Variants in STAG3 observed in about 807,000 individuals in gnomAD.
The protein encoded by STAG3 is cohesin subunit SA-3.
A neutral mutation model predicts 160.7 loss-of-function variants in STAG3; 101 were observed. The ratio of observed to expected loss-of-function variants is 0.63; its 90% CI spans 0.54 to 0.74. The LOEUF is 0.74. Among genes scored for constraint, STAG3 ranks in the 30% least tolerant of loss-of-function variants. The probability of loss-of-function intolerance (pLI) is 0.00; values close to 1 mark genes in which losing one functional copy is unlikely to be tolerated. For missense variants in STAG3, 1,188 were observed against 1,517.4 expected, an observed-to-expected ratio of 0.78 and a Z score of 3.61; for synonymous variants, 519 against 585.0, an observed-to-expected ratio of 0.89 and a Z score of 1.63.
chr7:100,201,569 G>A, intron 21 of STAG3: 1 of 633,554 alleles, frequency 1.6e-6, no homozygotes, highest in Non-Finnish European at 2.7e-6. Flanking sequence ...ATAATATTGA[G>A]GGATTCTAGA....
In STAG3 at chr7:100,178,992, A is replaced by G. The variant is rs1799458223; in HGVS notation, c.-65+987A>G. On this transcript the variant is annotated intron_variant, in intron 1 of 33. Coordinates refer to ENST00000615138, the MANE Select transcript of STAG3 (RefSeq NM_001282717.2). The stretch of plus-strand genomic sequence containing the variant: ...TACAGGTGCACCACCACACCTGGCT[A>G]GTTTTTTTGGTTTTGGTTTGGTTTT... Among the ~76,000 whole-genome samples, 2 of 151,374 alleles carry G rather than the reference A, an allele frequency of 1.3e-5. 1 individual carries two copies. Among genetic ancestry groups the G allele is most frequent in the South Asian group, 4.2e-4 (2 of 4,804 alleles).
At chr7:100,182,864 G>C in intron 4 of STAG3, 25 bp downstream of exon 4, 5 of 1,613,196 alleles carry the variant, frequency 3.1e-6, no homozygotes, top group Admixed American at 1.7e-5. Flanking sequence ...CACCTCTGTT[G>C]ATACCATCTC....
chr7:100,183,062 G>C (rs1192711511), intron 4 of STAG3, among the ~76,000 whole-genome samples: 1 of 151,722 alleles, frequency 6.6e-6, no homozygotes, highest in Non-Finnish European at 1.5e-5. Flanking sequence ...CGCCCAGGCT[G>C]GAGTGCAGTG....
At chr7:100,204,286 A>AT (rs373373624) in intron 26 of STAG3, among the ~76,000 whole-genome samples, 164 bp downstream of exon 26, 124 of 149,638 alleles carry the variant, frequency 8.3e-4, no homozygotes, top group Admixed American at 2.7e-3. Context: ...CTTGGGAAGT[A>AT]TTTTTTTTTT....
Position 100,203,275 on chromosome 7 carries a change from C to G in STAG3, c.2700+685C>G, listed in dbSNP as rs559482880. ...TCTCGGCTCACTGCAACCTCTGCCT[C>G]CCGGGGTTCAAGCAGTTCTCCTGCC... On this transcript the variant is annotated intron_variant, in intron 25 of 33. Transcript: ENST00000615138. Among the ~76,000 whole-genome samples, 136 of 151,740 alleles carry G rather than the reference C, an allele frequency of 9.0e-4. 1 individual carries two copies. Among genetic ancestry groups the G allele is most frequent in the African/African-American group, 3.0e-3 (124 of 41,414 alleles).
chr7:100,203,921 A>AGG, intron 25 of STAG3, 100 bp from the exon 26 acceptor site: 1 of 749,540 alleles, frequency 1.3e-6, no homozygotes, highest in Non-Finnish European at 2.4e-6. Flanking sequence ...TTTCCTACCT[A>AGG]AGGGAGTTTG....
intron 9 of STAG3, among the ~76,000 whole-genome samples, chr7:100,196,055 G>C (rs1800663887): frequency 6.6e-6 from 1 of 151,990 alleles, no homozygotes; most frequent in Admixed American, 6.5e-5. Flanking sequence ...CTTGAACCCA[G>C]GAGGTGGAGG....
At chr7:100,194,956 C>T (rs895466551) in intron 8 of STAG3, among the ~76,000 whole-genome samples, 2 of 152,126 alleles carry the variant, frequency 1.3e-5, no homozygotes, top group African/African-American at 4.8e-5. Flanking sequence ...ATGCTCAATG[C>T]AGGGTTGTCA....
In STAG3 at chr7:100,197,778, C is replaced by G. The variant is rs1800783072; in HGVS notation, c.1066C>G (p.His356Asp). The change falls in exon 11 of 34, where the codon CAC becomes GAC. Residue 356 changes from histidine (H) to aspartate (D), a missense_variant and splice_region_variant. Coordinates refer to ENST00000615138, the MANE Select transcript of STAG3 (RefSeq NM_001282717.2). Reference protein sequence around the residue: ...KYIGWTLHDKHREVRLKCVKA... With the variant: ...KYIGWTLHDKDREVRLKCVKA... The stretch of plus-strand genomic sequence containing the variant: ...TCTCCTGGTTTTCCCTCCTCACCAG[C>G]ACCGAGAAGTCCGCCTGAAGTGTGT... 1 of 1,613,124 alleles carries G rather than the reference C, an allele frequency of 6.2e-7. No homozygotes were observed. The highest frequency in any genetic ancestry group is 8.5e-7 in the Non-Finnish European group (1 of 1,179,362).
At chr7:100,194,005 T>A (rs1370457632) in intron 8 of STAG3, among the ~76,000 whole-genome samples, 2 of 149,818 alleles carry the variant, frequency 1.3e-5, no homozygotes, top group Non-Finnish European at 3.0e-5. Flanking sequence ...TAGAGTGCGA[T>A]GGCGTGATCT....
rs776375900 is a variant in STAG3, at chr7:100,198,090, C to T, written c.1168C>T (p.Arg390Trp). Residue 390 changes from arginine (R) to tryptophan (W), a missense_variant, in exon 12 of 34, where the codon CGG becomes TGG. Arg to Trp is a moderately radical substitution (Grantham distance 101). This residue lies in a region of STAG3 where 240 missense variants were observed against 358.1 expected (regional missense o/e 0.67). Coordinates refer to ENST00000615138, the MANE Select transcript of STAG3 (RefSeq NM_001282717.2). ...AGTGACTTTCTCCTTTCTGCAGGAC[C>T]GGATGGTTTCCATGGTCATGGACAG... ...LELFTSRFKDRMVSMVMDREY... is the reference protein window; with the variant it reads ...LELFTSRFKDWMVSMVMDREY... 7 of 1,613,884 alleles carry T rather than the reference C, an allele frequency of 4.3e-6. No individual in the cohort carries two copies. Among genetic ancestry groups the T allele is most frequent in the South Asian group, 2.2e-5 (2 of 91,066 alleles).
intron 9 of STAG3, among the ~76,000 whole-genome samples, chr7:100,195,925 T>C (rs904828383): frequency 6.6e-6 from 1 of 151,882 alleles, no homozygotes; most frequent in African/African-American, 2.4e-5. Context: ...AGGTCAGGAG[T>C]TCACAACCAG....
rs1302839899 is a variant in STAG3 at position 100,189,474 on chromosome 7, G to T, written c.745G>T (p.Val249Phe). 6.2e-7 allele frequency: 1 copy of T among 1,613,590 alleles called. No individual in the cohort carries two copies. The highest frequency in any genetic ancestry group is 8.5e-7 in the Non-Finnish European group (1 of 1,179,892). ...GAAACTGATGACCTCCCTGGTAAAA[G>T]TTGCCCTCCAACTGAGTGTGCACCA... is the stretch of plus-strand genomic sequence containing the variant. The part of the protein sequence containing the change: ...AMKLMTSLVK[V>F]ALQLSVHQDN... The change falls in exon 8 of 34, where the codon GTT becomes TTT. Residue 249 changes from valine to phenylalanine, a missense_variant. This residue lies in a region of STAG3 where 296 missense variants were observed against 404.0 expected (regional missense o/e 0.73). Transcript: ENST00000615138.
rs777893703 is a variant in STAG3 at position 100,197,841 on chromosome 7, A to C, written c.1129A>C (p.Thr377Pro). ...LKGLYGNRDLTTRLELFTSRF... is the reference protein window; with the variant it reads ...LKGLYGNRDLPTRLELFTSRF... ...AGGGCTGTACGGTAACCGGGACCTG[A>C]CCACACGCCTGGAGCTCTTCACCAG... Residue 377 changes from threonine (T) to proline (P), a missense_variant, in exon 11 of 34, where the codon ACC becomes CCC. Thr to Pro is a conservative substitution (Grantham distance 38, BLOSUM62 -1). Coordinates refer to ENST00000615138, the MANE Select transcript of STAG3 (RefSeq NM_001282717.2). 86 of 1,613,458 alleles carry C rather than the reference A, an allele frequency of 5.3e-5. No individual in the cohort carries two copies. Among genetic ancestry groups the C allele is most frequent in the Non-Finnish European group, 7.0e-5 (83 of 1,179,948 alleles).
At chr7:100,187,280 C>T (rs530597477) in intron 5 of STAG3, among the ~76,000 whole-genome samples, 2 of 152,132 alleles carry the variant, frequency 1.3e-5, no homozygotes, top group South Asian at 4.1e-4. Context: ...GCCTCGACCT[C>T]CCAAAGTGTT....
rs552639513 is a variant in STAG3, at chr7:100,204,168, G to A, written c.2802+46G>A. The A allele has an allele frequency of 4.4e-5, 65 of 1,483,388 alleles. 2 individuals carry two copies. In the South Asian group the frequency reaches 6.7e-4, roughly 15 times the overall value. The allele number at this position is 1,483,388 out of a possible 1,614,324, so 91.9% of individuals were successfully genotyped here. A position where few individuals can be genotyped will look rare whatever the true frequency, so the allele number is the denominator to read the frequency against. On this transcript the variant is annotated intron_variant, in intron 26 of 33. Transcript: ENST00000615138. ...GACATGCCAGCCCTGTTGTCCCCAA[G>A]TCTCTGTCTACCCTCAGCCACTCAG...
intron 25 of STAG3, among the ~76,000 whole-genome samples, chr7:100,203,180 C>G (rs1473812740): frequency 7.3e-6 from 1 of 136,296 alleles, no homozygotes; most frequent in Non-Finnish European, 1.6e-5. Flanking sequence ...TATTTCTTTT[C>G]TTTTCTTTTT....
Position 100,214,022 on chromosome 7 carries a change from T to G in STAG3, c.*7T>G. 1 of 1,614,158 alleles carries G rather than the reference T, an allele frequency of 6.2e-7. No individual in the cohort carries two copies. The highest frequency in any genetic ancestry group is 8.5e-7 in the Non-Finnish European group (1 of 1,180,006). On this transcript the variant is annotated 3_prime_UTR_variant, in exon 34 of 34. Coordinates refer to ENST00000615138, the MANE Select transcript of STAG3 (RefSeq NM_001282717.2). ...CTCATTATAGGATTTCTGACAGGAC[T>G]CTGGGCCCCTCCCCAGCTCCACTCC...
chr7:100,195,998 G>C (rs1258906019), intron 9 of STAG3, among the ~76,000 whole-genome samples: 1 of 151,946 alleles, frequency 6.6e-6, no homozygotes, highest in African/African-American at 2.4e-5. Context: ...GTGTGGTGGC[G>C]CATCCCTGTA....
Sources: gnomAD v4.1 joint callset for allele counts (sites outside exome capture counted in the v4.1 genomes callset) on GRCh38, gnomAD v4.1.1 for gene constraint, gnomAD v4.1.1 regional missense constraint, MANE v1.5 for transcripts, NCBI Gene and HGNC (gene_info 2026-07-23, HGNC 2026-07-21) for gene names.